TTC7A: variants seen among roughly 807,000 people sequenced by gnomAD.
TTC7A encodes tetratricopeptide repeat domain 7A.
A neutral mutation model predicts 103.7 loss-of-function variants in TTC7A; 110 were observed. The ratio of observed to expected loss-of-function variants is 1.06; its 90% CI spans 0.91 to 1.24. TTC7A has a LOEUF of 1.24. Among genes scored for constraint, TTC7A ranks in the 50% most tolerant of loss-of-function variants. The pLI is 0.00. For missense variants in TTC7A, 1,340 were observed against 1,116.3 expected (o/e 1.20, Z -2.86); for synonymous variants, 521 against 467.9 (o/e 1.11, Z -1.47).
chr2:47,035,926 G>A (rs1394085704), intron 15 of TTC7A, among the ~76,000 whole-genome samples: 2 of 152,212 alleles, frequency 1.3e-5, no homozygotes, highest in East Asian at 3.9e-4. Context: ...GAGAGACCAA[G>A]GCAATTGCTT....
chr2:47,050,162 C>A, intron 17 of TTC7A, 116 bp downstream of exon 17: 1 of 888,302 alleles, frequency 1.1e-6, no homozygotes, highest in Non-Finnish European at 1.8e-6. Flanking sequence ...AAGCCCACCA[C>A]TGGCTCCTTG....
chr2:47,044,291 G>A (rs11125113), intron 15 of TTC7A, among the ~76,000 whole-genome samples: 46,584 of 152,122 alleles, frequency 0.31, 7,768 homozygotes, highest in East Asian at 0.66. Context: ...TCTCTGGGCA[G>A]TGTGTCATTT....
At chr2:47,039,383 C>T (rs914456775) in intron 15 of TTC7A, among the ~76,000 whole-genome samples, 1 of 152,224 alleles carries the variant, frequency 6.6e-6, no homozygotes, top group Non-Finnish European at 1.5e-5. Flanking sequence ...GCTCTGCCAA[C>T]TTCCCCCACC....
chr2:47,041,254 G>A (rs1468946845), intron 15 of TTC7A, among the ~76,000 whole-genome samples: 1 of 152,220 alleles, frequency 6.6e-6, no homozygotes, highest in Non-Finnish European at 1.5e-5. Context: ...GCAGCTATGG[G>A]GAATCAAGTA....
At chr2:47,068,533 C>T (rs1259463220) in intron 19 of TTC7A, 1 of 152,020 alleles carries the variant, frequency 6.6e-6, no homozygotes, top group Non-Finnish European at 1.5e-5. Context: ...CACCCCTCGC[C>T]AGTGCTGCCT....
rs202124959 is a variant in TTC7A, at chr2:47,024,381, C to A, written c.1641+22C>A. ...ACAGGTGGGTTGTCCGTGTTCCTAA[C>A]CCCCGGGTCCTCGGGGGCTGCTGAT... On this transcript the variant is annotated intron_variant, in intron 14 of 19. Transcript: ENST00000319190. 135 of 1,593,078 alleles carry A rather than the reference C, an allele frequency of 8.5e-5. No individual in the cohort carries two copies. In the African/African-American group the frequency reaches 1.6e-3, roughly 19 times the overall value.
intron 5 of TTC7A, among the ~76,000 whole-genome samples, chr2:46,984,810 C>T (rs1454791639): frequency 5.9e-5 from 9 of 152,212 alleles, no homozygotes; most frequent in African/African-American, 2.2e-4. Context: ...CACTGTGATT[C>T]CAGCTTCGGG....
At chr2:46,940,544 G>C (rs943909366), upstream of TTC7A, among the ~76,000 whole-genome samples, 3 of 152,236 alleles carry the variant, frequency 2.0e-5, no homozygotes, top group African/African-American at 7.2e-5. The surrounding 1 kb of genome is among the most constrained non-coding windows in gnomAD (Gnocchi z 4.7). Context: ...TTTGATCACA[G>C]TCTTAGACCA....
chr2:47,032,073 A>G (rs1680602390), intron 15 of TTC7A, among the ~76,000 whole-genome samples: 1 of 151,978 alleles, frequency 6.6e-6, no homozygotes, highest in South Asian at 2.1e-4. Context: ...CCTTCCTCCC[A>G]AGCTTACTCA....
chr2:46,955,568 G>A (rs1671782086), intron 2 of TTC7A, among the ~76,000 whole-genome samples: 1 of 152,210 alleles, frequency 6.6e-6, no homozygotes, highest in Non-Finnish European at 1.5e-5. Context: ...ACCTGGTTAG[G>A]CCAGGGGGAA....
intron 2 of TTC7A, among the ~76,000 whole-genome samples, chr2:46,930,664 T>G (rs1669650356): frequency 6.6e-6 from 1 of 152,046 alleles, no homozygotes; most frequent in Non-Finnish European, 1.5e-5. Flanking sequence ...CACGTGCAGC[T>G]AATTTTTGTA....
Position 46,941,487 on chromosome 2 carries a change from C to G in TTC7A, c.-55C>G. The G allele has an allele frequency of 2.0e-6, 3 of 1,523,424 alleles. No individual in the cohort carries two copies. Among genetic ancestry groups the G allele is most frequent in the Admixed American group, 2.0e-5 (1 of 49,362 alleles). 94.4% of individuals were successfully genotyped at this position (1,523,424 alleles called of 1,614,324 possible). ...AGTGCGCCCCAGCCAGGACGCCGCC[C>G]CCGGCCGGGTCTCCACTTCTTGGCC... On this transcript the variant is annotated 5_prime_UTR_variant, in exon 1 of 20. Transcript: ENST00000319190. This position sits in a 1 kb window ranked among gnomAD's most constrained non-coding sequence, Gnocchi z 4.2.
At position 47,067,922 on chromosome 2, in the gene TTC7A, CCTCT is replaced by C. The variant is rs1272812566; in HGVS notation, c.2356-5777_2356-5774del. The C allele has an allele frequency of 4.6e-5, 7 of 152,196 alleles. 1 individual carries two copies. The South Asian group carries it at 1.5e-3, about 32-fold the overall frequency. 9.4% of individuals were successfully genotyped at this position (152,196 alleles called of 1,614,324 possible). A position where few individuals can be genotyped will look rare whatever the true frequency, so the allele number is the denominator to read the frequency against. On this transcript the variant is annotated intron_variant, in intron 19 of 19. Transcript: ENST00000319190. The stretch of plus-strand genomic sequence containing the variant: ...ACTCATTGCAGTAAAGCCACTCCGT[CCTCT>C]CTGAGTCCACAGGGGAAGCTGGCCA...
At chr2:47,030,914 G>A (rs1037266441) in intron 15 of TTC7A, among the ~76,000 whole-genome samples, 21 of 152,356 alleles carry the variant, frequency 1.4e-4, no homozygotes, top group African/African-American at 4.8e-4. Flanking sequence ...GGGAGGCCGA[G>A]GCGGGTGGAT....
intron 15 of TTC7A, among the ~76,000 whole-genome samples, chr2:47,038,319 G>T (rs1035712766): frequency 6.6e-6 from 1 of 151,844 alleles, no homozygotes; most frequent in East Asian, 1.9e-4. Context: ...AGGTCACATG[G>T]CTACAAGGAG....
At chr2:46,995,077 C>T (rs1057035340) in intron 7 of TTC7A, 59 bp from the exon 8 acceptor site, 41 of 1,549,304 alleles carry the variant, frequency 2.6e-5, no homozygotes, top group Non-Finnish European at 3.4e-5. Flanking sequence ...CATGGTGGGT[C>T]AGTGGTGCTG....
In TTC7A at chr2:47,073,896, C is replaced by T. The variant is rs780449127; in HGVS notation, c.2550C>T (p.Pro850=). Residue 850 remains proline, a synonymous_variant, in exon 20 of 20, where the codon CCC becomes CCT. Transcript: ENST00000319190. ...TGGAGGCCAGCAGCCCTGTACTGCC[C>T]TTCTCCATCATCCCCAGAGAGCTCT... ...LELEASSPVL[P]FSIIPREL is the part of the protein sequence containing the mutation. 5.8e-5 allele frequency: 93 copies of T among 1,612,872 alleles called. No individual in the cohort carries two copies. The highest frequency in any genetic ancestry group is 7.5e-5 in the Non-Finnish European group (88 of 1,179,972).
At chr2:47,056,915 C>A (rs537234020) in intron 18 of TTC7A, among the ~76,000 whole-genome samples, 5 of 152,172 alleles carry the variant, frequency 3.3e-5, no homozygotes, top group South Asian at 2.1e-4. Flanking sequence ...ACCCCTCCCC[C>A]CCATCCAGCC....
At chr2:46,998,991 T>C (rs1266729229) in intron 8 of TTC7A, among the ~76,000 whole-genome samples, 1 of 152,170 alleles carries the variant, frequency 6.6e-6, no homozygotes, top group Non-Finnish European at 1.5e-5. Flanking sequence ...GGAGCCAAAA[T>C]GACATTTAAA....
Sources: allele counts gnomAD v4.1 joint callset (sites outside exome capture counted in the v4.1 genomes callset), GRCh38; gene constraint gnomAD v4.1.1; non-coding constraint Gnocchi (gnomAD v3.1); transcripts MANE v1.5; gene names NCBI Gene and HGNC (gene_info 2026-07-23, HGNC 2026-07-21).